MSRA: variants seen among roughly 807,000 people sequenced by gnomAD.
MSRA encodes mitochondrial peptide methionine sulfoxide reductase.
In MSRA, 54 loss-of-function variants were observed where a neutral mutation model predicts 31.3. The observed-to-expected ratio is 1.73, with a 90% CI of 1.39 to 2.17. The LOEUF is 2.17. Among genes scored for constraint, MSRA ranks in the 30% most tolerant of loss-of-function variants. The probability of loss-of-function intolerance (pLI) is 0.00; values close to 1 mark genes in which losing one functional copy is unlikely to be tolerated. For missense variants in MSRA, 507 were observed against 300.9 expected (o/e 1.69, Z -5.07); for synonymous variants, 169 against 116.5 (o/e 1.45, Z -2.90).
intron 2 of MSRA, among the ~76,000 whole-genome samples, chr8:10,226,764 GC>G (rs1482015099): frequency 2.0e-5 from 3 of 152,076 alleles, no homozygotes; most frequent in Non-Finnish European, 4.4e-5. Flanking sequence ...TCTTTACTTT[GC>G]CCCAGGCCAG....
intron 3 of MSRA, among the ~76,000 whole-genome samples, chr8:10,247,732 C>T (rs2975713): frequency 6.6e-6 from 1 of 152,146 alleles, no homozygotes; most frequent in Non-Finnish European, 1.5e-5. Flanking sequence ...GTTATAGGGT[C>T]TTACCCATAC....
intron 1 of MSRA, among the ~76,000 whole-genome samples, chr8:10,173,350 C>G (rs979027676): frequency 2.0e-5 from 3 of 152,228 alleles, no homozygotes; most frequent in African/African-American, 7.2e-5. Context: ...AGGAATCGCT[C>G]TGGTGAAGAA....
At chr8:10,193,180 C>G (rs1371898057) in intron 1 of MSRA, among the ~76,000 whole-genome samples, 2 of 152,186 alleles carry the variant, frequency 1.3e-5, no homozygotes, top group Non-Finnish European at 2.9e-5. Context: ...CACTCGTCTT[C>G]TACATTTCTA....
At chr8:10,060,821 T>A (rs190597615) in intron 1 of MSRA, among the ~76,000 whole-genome samples, 300 of 152,326 alleles carry the variant, frequency 2.0e-3, no homozygotes, top group Non-Finnish European at 3.8e-3. Flanking sequence ...AAGCATCAAT[T>A]GTGATGGCAT....
chr8:10,410,341 G>A (rs1025074647), intron 5 of MSRA, among the ~76,000 whole-genome samples: 1 of 152,182 alleles, frequency 6.6e-6, no homozygotes, highest in African/African-American at 2.4e-5. Flanking sequence ...TGCCGGTGGA[G>A]GACAGGAAAG....
chr8:10,177,440 TA>T (rs1284510941), intron 1 of MSRA, among the ~76,000 whole-genome samples: 1 of 152,226 alleles, frequency 6.6e-6, no homozygotes, highest in Non-Finnish European at 1.5e-5. Context: ...TGAGCTTTGA[TA>T]ACTTTTTGTT....
intron 1 of MSRA, among the ~76,000 whole-genome samples, chr8:10,086,664 G>T (rs1798572350): frequency 6.6e-6 from 1 of 152,148 alleles, no homozygotes; most frequent in South Asian, 2.1e-4. Context: ...TTATTAATAC[G>T]TGATTTCACT....
At chr8:10,349,603 C>A (rs1466407303) in intron 5 of MSRA, among the ~76,000 whole-genome samples, 1 of 152,250 alleles carries the variant, frequency 6.6e-6, no homozygotes, top group Non-Finnish European at 1.5e-5. Flanking sequence ...CCTCCCCTGG[C>A]TCATGCCTCA....
At chr8:10,427,697 A>G (rs1452093558) in intron 5 of MSRA, among the ~76,000 whole-genome samples, 1 of 151,654 alleles carries the variant, frequency 6.6e-6, no homozygotes, top group Non-Finnish European at 1.5e-5. Context: ...GTCCATCCCT[A>G]CCCTGTCCAC....
intron 3 of MSRA, among the ~76,000 whole-genome samples, chr8:10,276,481 T>C (rs1799328385): frequency 6.6e-6 from 1 of 152,228 alleles, no homozygotes; most frequent in Non-Finnish European, 1.5e-5. Flanking sequence ...GACCAGCTGC[T>C]GCCTCAATGG....
intron 1 of MSRA, among the ~76,000 whole-genome samples, chr8:10,166,675 G>C (rs145854853): frequency 6.6e-6 from 1 of 152,262 alleles, no homozygotes; most frequent in African/African-American, 2.4e-5. Context: ...CCAGCCTCTT[G>C]TATTACCCAA....
chr8:10,105,257 T>G (rs1799807798), intron 1 of MSRA, among the ~76,000 whole-genome samples: 1 of 152,164 alleles, frequency 6.6e-6, no homozygotes, highest in Non-Finnish European at 1.5e-5. Context: ...GTTTGAAAAA[T>G]TGGAATGTTT....
intron 5 of MSRA, among the ~76,000 whole-genome samples, chr8:10,416,902 T>A (rs1262304303): frequency 2.6e-5 from 4 of 152,236 alleles, no homozygotes; most frequent in Non-Finnish European, 5.9e-5. Flanking sequence ...AGCTTGTAGC[T>A]CTGTCGTTCT....
chr8:10,245,276 C>G lies in MSRA; in HGVS notation c.331+53C>G, dbSNP rs932576058. On this transcript the variant is annotated intron_variant, in intron 3 of 5. Transcript: ENST00000317173. Reference sequence around the variant, plus strand: ...CTAGGAGAAACAAGGGAGGGCTTGTCACTACTGTTGGGTGACAGGCTCTTT... The same window carrying G: ...CTAGGAGAAACAAGGGAGGGCTTGTGACTACTGTTGGGTGACAGGCTCTTT... The G allele has an allele frequency of 2.0e-5, 31 of 1,553,944 alleles. No homozygotes were observed. In the Admixed American group the frequency reaches 5.5e-4, roughly 28 times the overall value.
At position 10,173,110 on chromosome 8, in the gene MSRA, C is replaced by G. The variant is rs184007310; in HGVS notation, c.143-34723C>G. On this transcript the variant is annotated intron_variant, in intron 1 of 5. Transcript: ENST00000317173. Reference sequence around the variant, plus strand: ...ACCTTTTTCTCACAGCAATCTGGGTCTTACAGCCCTTTTTCTGTTCAAAGT... The same window carrying G: ...ACCTTTTTCTCACAGCAATCTGGGTGTTACAGCCCTTTTTCTGTTCAAAGT... 1.1e-4 allele frequency among the ~76,000 whole-genome samples: 16 copies of G among 152,344 alleles called. No individual in the cohort carries two copies. The East Asian group carries it at 2.3e-3, about 22-fold the overall frequency.
At chr8:10,256,970 T>C (rs2129090428) in intron 3 of MSRA, among the ~76,000 whole-genome samples, 1 of 152,308 alleles carries the variant, frequency 6.6e-6, no homozygotes, top group South Asian at 2.1e-4. Context: ...TTTATACATT[T>C]CTTTCCTTCA....
intron 3 of MSRA, among the ~76,000 whole-genome samples, chr8:10,266,723 C>T (rs1032767277): frequency 6.6e-6 from 1 of 151,984 alleles, no homozygotes; most frequent in Non-Finnish European, 1.5e-5. Flanking sequence ...TTTAAGTCTG[C>T]AATCCATTTT....
chr8:10,225,688 G>A (rs73532778), intron 2 of MSRA, among the ~76,000 whole-genome samples: 231 of 152,230 alleles, frequency 1.5e-3, no homozygotes, highest in Middle Eastern at 6.8e-3. Context: ...GTTCTTTATG[G>A]TGCCAGCTCT....
chr8:10,350,229 G>T (rs1044686252), intron 5 of MSRA, among the ~76,000 whole-genome samples: 2 of 152,352 alleles, frequency 1.3e-5, no homozygotes, highest in Middle Eastern at 3.4e-3. Context: ...CTGCTTTGCA[G>T]ATAGCTCTGG....
Sources: gnomAD v4.1 joint callset for allele counts (sites outside exome capture counted in the v4.1 genomes callset) on GRCh38, gnomAD v4.1.1 for gene constraint, MANE v1.5 for transcripts, NCBI Gene and HGNC (gene_info 2026-07-23, HGNC 2026-07-21) for gene names.